Variants in PCDHGA10 observed in about 807,000 individuals in gnomAD.
The protein encoded by PCDHGA10 is protocadherin gamma-A10.
A neutral mutation model predicts 59.5 loss-of-function variants in PCDHGA10; 42 were observed. That is an observed-to-expected ratio of 0.71 (90% CI 0.55 to 0.91). The LOEUF is 0.91. Among genes scored for constraint, PCDHGA10 ranks in the 40% least tolerant of loss-of-function variants. The probability of loss-of-function intolerance (pLI) is 0.00; values close to 1 mark genes in which losing one functional copy is unlikely to be tolerated. For missense variants in PCDHGA10, 1,111 were observed against 1,198.2 expected (o/e 0.93, Z 1.07); for synonymous variants, 511 against 517.2 (o/e 0.99, Z 0.16).
intron 1 of PCDHGA10, chr5:141,478,239 C>T: frequency 1.2e-6 from 2 of 1,614,132 alleles, no homozygotes; most frequent in Non-Finnish European, 1.7e-6. Context: ...TTTGTGGTCA[C>T]AGTGTTCGGA....
In PCDHGA10 at chr5:141,512,022, C is replaced by T. The variant is rs2154594692; in HGVS notation, c.*849C>T. The T allele has an allele frequency of 6.5e-6, 1 of 152,990 alleles. No individual in the cohort carries two copies. The highest frequency in any genetic ancestry group is 1.9e-4 in the East Asian group (1 of 5,186). The allele number at this position is 152,990 out of a possible 1,614,324, so 9.5% of individuals were successfully genotyped here. A position where few individuals can be genotyped will look rare whatever the true frequency, so the allele number is the denominator to read the frequency against. The stretch of plus-strand genomic sequence containing the variant: ...AGCTTGACACATCAAGTTATCAAGG[C>T]CTTGGAGGAGGCTCTGTATGTCCTC... On this transcript the variant is annotated 3_prime_UTR_variant, in exon 4 of 4. Transcript: ENST00000398610.
chr5:141,413,836 G>A lies in PCDHGA10; in HGVS notation c.661G>A (p.Gly221Arg). 1.2e-6 allele frequency: 2 copies of A among 1,613,256 alleles called. No homozygotes were observed. The highest frequency in any genetic ancestry group is 1.7e-6 in the Non-Finnish European group (2 of 1,179,868). ...CCACCTGGTCCTCACCGCCTCCGACGGGGGTGACCCTCTCCGATCTGGCAC... is the reference window on the plus strand; with the variant it reads ...CCACCTGGTCCTCACCGCCTCCGACAGGGGTGACCCTCTCCGATCTGGCAC... ...IHHLVLTASD[G>R]GDPLRSGTVL... is the part of the protein sequence containing the mutation. Residue 221 changes from glycine (G) to arginine (R), a missense_variant, in exon 1 of 4, where the codon GGG becomes AGG. Coordinates refer to ENST00000398610, the MANE Select transcript of PCDHGA10 (RefSeq NM_018913.3).
At chr5:141,435,055 A>T (rs148331367) in intron 1 of PCDHGA10, among the ~76,000 whole-genome samples, 5 of 152,124 alleles carry the variant, frequency 3.3e-5, no homozygotes, top group Non-Finnish European at 7.4e-5. Flanking sequence ...TTGACCATGC[A>T]GCAGTTTTGT....
intron 3 of PCDHGA10, among the ~76,000 whole-genome samples, chr5:141,507,645 G>A (rs565235954): frequency 6.6e-6 from 1 of 152,382 alleles, no homozygotes; most frequent in South Asian, 2.1e-4. Flanking sequence ...CTGAGGCCAG[G>A]AAGCAGCTTT....
At chr5:141,444,138 C>CTTGTGTG (rs2098418688) in intron 1 of PCDHGA10, among the ~76,000 whole-genome samples, 1 of 122,946 alleles carries the variant, frequency 8.1e-6, no homozygotes, top group South Asian at 2.7e-4. Flanking sequence ...ATATGTGTCA[C>CTTGTGTG]TTGTGTGTAC....
intron 1 of PCDHGA10, chr5:141,415,863 G>T (rs1321470910): frequency 2.7e-5 from 30 of 1,107,154 alleles, no homozygotes; most frequent in Non-Finnish European, 3.6e-5. Context: ...GTAGTTTATA[G>T]TGTTGTTGAG....
intron 1 of PCDHGA10, chr5:141,427,590 C>G (rs768990626): frequency 5.9e-6 from 4 of 678,892 alleles, no homozygotes; most frequent in Non-Finnish European, 1.1e-5. Flanking sequence ...CAGCACAAGC[C>G]TCACCCTACG....
chr5:141,422,263 C>T lies in PCDHGA10; in HGVS notation c.2436+6652C>T, dbSNP rs755271863. On this transcript the variant is annotated intron_variant, in intron 1 of 3. Transcript: ENST00000398610. ...TGTTGTGGATGTGAATGATAACGCT[C>T]CAGAAATAACTATCACCTCTTCTAT... is the stretch of plus-strand genomic sequence containing the variant. 1.0e-5 allele frequency: 16 copies of T among 1,563,686 alleles called. No individual in the cohort carries two copies. The South Asian group carries it at 1.7e-4, about 17-fold the overall frequency.
chr5:141,464,343 A>C (rs944042669), intron 1 of PCDHGA10, among the ~76,000 whole-genome samples: 7 of 151,212 alleles, frequency 4.6e-5, no homozygotes, highest in African/African-American at 1.5e-4. Context: ...ATGACTTGTC[A>C]TTTAGGTAGT....
intron 1 of PCDHGA10, chr5:141,421,399 C>T (rs777999539): frequency 1.2e-6 from 2 of 1,613,928 alleles, no homozygotes; most frequent in East Asian, 2.2e-5. Flanking sequence ...GCTGGAGCCC[C>T]GGGAGCTGGC....
chr5:141,421,222 C>G, intron 1 of PCDHGA10: 2 of 1,576,946 alleles, frequency 1.3e-6, no homozygotes, highest in Non-Finnish European at 1.7e-6. Flanking sequence ...CGGCTTAGAG[C>G]CTGCCATGGC....
chr5:141,433,080 A>T lies in PCDHGA10; in HGVS notation c.2436+17469A>T, dbSNP rs1315049041. 4.3e-6 allele frequency: 7 copies of T among 1,614,174 alleles called. No homozygotes were observed. The East Asian group carries it at 1.6e-4, about 36-fold the overall frequency. ...AGTCACCTGATCTTCCCCCAGCCCA[A>T]CTATGCAGACATGCTCGTCAGCCAG... On this transcript the variant is annotated intron_variant, in intron 1 of 3. Transcript: ENST00000398610.
At position 141,413,527 on chromosome 5, in the gene PCDHGA10, G is replaced by A. The variant is rs768496934; in HGVS notation, c.352G>A (p.Val118Met). 2 of 1,613,938 alleles carry A rather than the reference G, an allele frequency of 1.2e-6. No homozygotes were observed. The highest frequency in any genetic ancestry group is 1.7e-6 in the Non-Finnish European group (2 of 1,179,906). ...VSFNILVEDR[V>M]KLFGIEIEVT... is the part of the protein sequence containing the mutation. Reference sequence around the variant, plus strand: ...TTTTAATATCCTTGTGGAAGACAGGGTGAAACTTTTTGGGATAGAAATAGA... The same window carrying A: ...TTTTAATATCCTTGTGGAAGACAGGATGAAACTTTTTGGGATAGAAATAGA... Residue 118 changes from valine (V) to methionine (M), a missense_variant, in exon 1 of 4, where the codon GTG (valine) becomes ATG (methionine). Physicochemically the swap from Val to Met is conservative, Grantham distance 21. Coordinates refer to ENST00000398610, the MANE Select transcript of PCDHGA10 (RefSeq NM_018913.3).
chr5:141,422,040 C>A, intron 1 of PCDHGA10: 1 of 1,611,442 alleles, frequency 6.2e-7, no homozygotes, highest in Non-Finnish European at 8.5e-7. Context: ...CGGATCCAGA[C>A]GAGGGAATCA....
intron 1 of PCDHGA10, among the ~76,000 whole-genome samples, chr5:141,454,703 A>C (rs933041937): frequency 1.3e-5 from 2 of 150,198 alleles, no homozygotes; most frequent in African/African-American, 4.9e-5. Flanking sequence ...ACCATGCTCC[A>C]CCTGCTTATT....
In PCDHGA10 at chr5:141,490,823, A is replaced by T. The variant is rs1340589166; in HGVS notation, c.2437-3984A>T. ...CGTACCTTTGACTATGAATTGCTGC[A>T]GATGCTGCAGATTGTGGTGGGGGTT... On this transcript the variant is annotated intron_variant, in intron 1 of 3. Transcript: ENST00000398610. This position sits in a 1 kb window ranked among gnomAD's most constrained non-coding sequence, Gnocchi z 5.4. 13 of 1,613,928 alleles carry T rather than the reference A, an allele frequency of 8.1e-6. No individual in the cohort carries two copies. Among genetic ancestry groups the T allele is most frequent in the Non-Finnish European group, 9.3e-6 (11 of 1,179,864 alleles).
Position 141,491,730 on chromosome 5 carries a change from C to G in PCDHGA10, c.2437-3077C>G, listed in dbSNP as rs1346666614. 1 of 1,603,920 alleles carries G rather than the reference C, an allele frequency of 6.2e-7. No homozygotes were observed. Among genetic ancestry groups the G allele is most frequent in the Non-Finnish European group, 8.5e-7 (1 of 1,175,836 alleles). ...GGGGCTCGGCGCCGCCCCGGGCGAC[C>G]CCTGGGGGCGGCACTGGAGAAGCCG... On this transcript the variant is annotated intron_variant, in intron 1 of 3. Coordinates refer to ENST00000398610, the MANE Select transcript of PCDHGA10 (RefSeq NM_018913.3). The surrounding 1 kb of genome is among the most constrained non-coding windows in gnomAD (Gnocchi z 6.9).
chr5:141,500,309 C>T (rs777434466), intron 2 of PCDHGA10, among the ~76,000 whole-genome samples: 2 of 151,602 alleles, frequency 1.3e-5, no homozygotes, highest in Non-Finnish European at 2.9e-5. Flanking sequence ...CCCAGGTTCA[C>T]GCCATGCTCC....
rs951502238 is a variant in PCDHGA10 at position 141,478,263 on chromosome 5, A to G, written c.2437-16544A>G. ...ACAGTGTTCGGAGTAATCATATTCA[A>G]AGTTTACAAGTGGAAGCAGTCTAGA... On this transcript the variant is annotated intron_variant, in intron 1 of 3. Coordinates refer to ENST00000398610, the MANE Select transcript of PCDHGA10 (RefSeq NM_018913.3). The G allele has an allele frequency of 2.5e-6, 4 of 1,614,046 alleles. No individual in the cohort carries two copies. The African/African-American group carries it at 5.3e-5, about 22-fold the overall frequency.
Sources: allele counts gnomAD v4.1 joint callset (sites outside exome capture counted in the v4.1 genomes callset), GRCh38; gene constraint gnomAD v4.1.1; non-coding constraint Gnocchi (gnomAD v3.1); transcripts MANE v1.5; gene names NCBI Gene and HGNC (gene_info 2026-07-23, HGNC 2026-07-21).